The following MAML3 variants were observed in gnomAD, a reference collection of about 807,000 sequenced individuals.
MAML3 encodes mastermind-like protein 3.
MAML3 carries 27 observed loss-of-function variants against 101.9 expected under a neutral mutation model. The observed-to-expected ratio is 0.27, with a 90% CI of 0.20 to 0.37. The LOEUF is 0.37. Among genes scored for constraint, MAML3 ranks in the 10% least tolerant of loss-of-function variants. The pLI is 1.00. For synonymous variants in MAML3, 501 were observed against 555.9 expected, an observed-to-expected ratio of 0.90 and a Z score of 1.39; for missense variants, 1,316 against 1,444.9, an observed-to-expected ratio of 0.91 and a Z score of 1.45.
intron 2 of MAML3, among the ~76,000 whole-genome samples, chr4:139,816,981 T>C (rs1730902912): frequency 1.3e-5 from 2 of 152,106 alleles, no homozygotes; most frequent in African/African-American, 4.8e-5. Flanking sequence ...ATTCTTAGAG[T>C]CTACTGTGAT....
chr4:139,885,932 C>CAAAAAAAAAAAA (rs1182443191), intron 2 of MAML3, among the ~76,000 whole-genome samples: 2 of 20,302 alleles, frequency 9.9e-5, no homozygotes, highest in African/African-American at 2.6e-4. Flanking sequence ...GACTCCGTCT[C>CAAAAAAAAAAAA]AAAAAAAAAA....
chr4:139,884,203 G>C (rs929608035), intron 2 of MAML3, among the ~76,000 whole-genome samples: 1 of 152,102 alleles, frequency 6.6e-6, no homozygotes, highest in East Asian at 1.9e-4. Context: ...TAAGGAAAAT[G>C]TATCTTCCAA....
intron 1 of MAML3, among the ~76,000 whole-genome samples, chr4:140,137,956 A>G (rs1728921516): frequency 6.6e-6 from 1 of 152,252 alleles, no homozygotes; most frequent in Non-Finnish European, 1.5e-5. Context: ...AACTACTGTT[A>G]CATCTTTCTG....
At chr4:139,790,923 T>C (rs1408838675) in intron 2 of MAML3, among the ~76,000 whole-genome samples, 1 of 152,192 alleles carries the variant, frequency 6.6e-6, no homozygotes, top group East Asian at 1.9e-4. Flanking sequence ...TACAGAAACC[T>C]GAAAATTTTT....
intron 1 of MAML3, among the ~76,000 whole-genome samples, chr4:139,976,081 G>C (rs1442191217): frequency 2.0e-5 from 3 of 152,098 alleles, no homozygotes; most frequent in Non-Finnish European, 4.4e-5. Flanking sequence ...ATGGCTAAAA[G>C]GAAACTAAAA....
At chr4:140,137,666 C>T (rs763061089) in intron 1 of MAML3, among the ~76,000 whole-genome samples, 2 of 152,168 alleles carry the variant, frequency 1.3e-5, no homozygotes, top group African/African-American at 2.4e-5. Context: ...GTAATGAAAA[C>T]GGCATTAGAA....
intron 1 of MAML3, among the ~76,000 whole-genome samples, chr4:140,005,554 T>A (rs754399051): frequency 2.0e-5 from 3 of 152,318 alleles, no homozygotes; most frequent in Middle Eastern, 3.4e-3. Flanking sequence ...GGAAAAATAT[T>A]TCAATACCAT....
chr4:139,824,889 A>G (rs1230826977), intron 2 of MAML3, among the ~76,000 whole-genome samples: 1 of 150,186 alleles, frequency 6.7e-6, no homozygotes, highest in Non-Finnish European at 1.5e-5. Flanking sequence ...CCAGGCCTCT[A>G]TTTTTCAGTT....
intron 1 of MAML3, among the ~76,000 whole-genome samples, chr4:139,904,982 G>A (rs1468039089): frequency 5.3e-5 from 8 of 152,198 alleles, no homozygotes; most frequent in Non-Finnish European, 7.3e-5. Context: ...GTGGCCTGTC[G>A]TTGACTGAAA....
At chr4:139,908,437 G>A (rs918820346) in intron 1 of MAML3, among the ~76,000 whole-genome samples, 1 of 152,150 alleles carries the variant, frequency 6.6e-6, no homozygotes, top group African/African-American at 2.4e-5. Context: ...AGCTTACTGT[G>A]TAAAAGAATA....
intron 1 of MAML3, among the ~76,000 whole-genome samples, chr4:140,140,526 T>A (rs973664788): frequency 1.3e-5 from 2 of 151,978 alleles, no homozygotes; most frequent in African/African-American, 4.8e-5. Flanking sequence ...AGTGAGCACA[T>A]AGCTGCATTA....
At chr4:139,872,923 T>C (rs2111178366) in intron 2 of MAML3, among the ~76,000 whole-genome samples, 1 of 151,720 alleles carries the variant, frequency 6.6e-6, no homozygotes, top group Non-Finnish European at 1.5e-5. Flanking sequence ...ACTAAAAATA[T>C]TAAAAAAATT....
chr4:139,851,564 G>A (rs572774333), intron 2 of MAML3, among the ~76,000 whole-genome samples: 13 of 152,300 alleles, frequency 8.5e-5, no homozygotes, highest in South Asian at 2.1e-4. Context: ...CATTATTTCC[G>A]TTTTCTAAAC....
chr4:140,011,599 C>G (rs149714094), intron 1 of MAML3, among the ~76,000 whole-genome samples: 4,853 of 151,876 alleles, frequency 0.032, 249 homozygotes, highest in African/African-American at 0.11. Context: ...CCGCCTCGGC[C>G]TCCCAAAGTG....
chr4:140,011,938 TA>T (rs2110861704), intron 1 of MAML3, among the ~76,000 whole-genome samples: 1 of 152,216 alleles, frequency 6.6e-6, no homozygotes, highest in South Asian at 2.1e-4. Flanking sequence ...TCTTCCTGCC[TA>T]AATTATTAAA....
At chr4:139,893,194 GT>G (rs1278236453) in intron 1 of MAML3, among the ~76,000 whole-genome samples, 2 of 152,096 alleles carry the variant, frequency 1.3e-5, no homozygotes, top group African/African-American at 4.8e-5. Context: ...ATGTTGTTTT[GT>G]TTTCTTGGAA....
At chr4:140,144,603 C>A (rs1230278873) in intron 1 of MAML3, among the ~76,000 whole-genome samples, 1 of 150,352 alleles carries the variant, frequency 6.7e-6, no homozygotes, top group Non-Finnish European at 1.5e-5. Context: ...ATTCACATGG[C>A]AGTAGTAATA....
chr4:140,098,594 T>C (rs943121892), intron 1 of MAML3, among the ~76,000 whole-genome samples: 1 of 152,250 alleles, frequency 6.6e-6, no homozygotes, highest in Non-Finnish European at 1.5e-5. Flanking sequence ...TGAAACCAAC[T>C]GGACGCAGTA....
Position 139,718,132 on chromosome 4 carries a change from AC to A in MAML3, c.*1190del. The A allele has an allele frequency of 6.6e-6, 1 of 152,092 alleles. No homozygotes were observed. Among genetic ancestry groups the A allele is most frequent in the South Asian group, 2.1e-4 (1 of 4,822 alleles). The allele number at this position is 152,092 out of a possible 1,614,324, so 9.4% of individuals were successfully genotyped here. On this transcript the variant is annotated 3_prime_UTR_variant, in exon 5 of 5. Coordinates refer to ENST00000509479, the MANE Select transcript of MAML3 (RefSeq NM_018717.5). ...CGCCCAAAGGGAGCCTGAACCAGTGACCTCCAGGCCACTCCTTCCTGGGGAT... is the reference window on the plus strand; with the variant it reads ...CGCCCAAAGGGAGCCTGAACCAGTGACTCCAGGCCACTCCTTCCTGGGGAT...
Sources: gnomAD v4.1 joint callset for allele counts (sites outside exome capture counted in the v4.1 genomes callset) on GRCh38, gnomAD v4.1.1 for gene constraint, MANE v1.5 for transcripts, NCBI Gene and HGNC (gene_info 2026-07-23, HGNC 2026-07-21) for gene names.